The following PREP variants were observed in gnomAD, a reference collection of about 807,000 sequenced individuals.
The protein encoded by PREP is dJ355L5.1 (prolyl endopeptidase).
A neutral mutation model predicts 87.6 loss-of-function variants in PREP; 29 were observed. The observed-to-expected ratio is 0.33, with a 90% confidence interval of 0.25 to 0.45. PREP has a LOEUF of 0.45. Among genes scored for constraint, PREP ranks in the 20% least tolerant of loss-of-function variants. The pLI is 1.00. For missense variants in PREP, 695 were observed against 886.5 expected, an observed-to-expected ratio of 0.78 and a Z score of 2.74; for synonymous variants, 337 against 328.6, an observed-to-expected ratio of 1.03 and a Z score of -0.28.
intron 2 of PREP, among the ~76,000 whole-genome samples, chr6:105,385,557 CA>C (rs1406824291): frequency 6.6e-6 from 1 of 151,956 alleles, no homozygotes; most frequent in East Asian, 1.9e-4. Flanking sequence ...GACTGTGAAA[CA>C]AAATGGGGGG....
chr6:105,354,151 G>A (rs1772031070), intron 6 of PREP, among the ~76,000 whole-genome samples: 1 of 152,118 alleles, frequency 6.6e-6, no homozygotes, highest in Non-Finnish European at 1.5e-5. Flanking sequence ...CTGCTGTATA[G>A]TATTACAATC....
chr6:105,391,245 C>T lies in PREP; in HGVS notation c.120+6608G>A, dbSNP rs187199626. ...AAAATACAAAAAATTAGCTGGGCAT[C>T]GTGGTGGGCGCCTGTAATTCCAGCT... On this transcript the variant is annotated intron_variant, in intron 2 of 14. Coordinates refer to ENST00000652536, the MANE Select transcript of PREP (RefSeq NM_002726.5). Among the ~76,000 whole-genome samples, 49 of 151,856 alleles carry T rather than the reference C, an allele frequency of 3.2e-4. 1 individual carries two copies. Among genetic ancestry groups the T allele is most frequent in the South Asian group, 2.3e-3 (11 of 4,784 alleles).
At chr6:105,296,938 G>A (rs181326463) in intron 10 of PREP, among the ~76,000 whole-genome samples, 69 of 152,242 alleles carry the variant, frequency 4.5e-4, no homozygotes, top group African/African-American at 1.6e-3. Context: ...CAGGCCCATA[G>A]CCAGACATGT....
chr6:105,288,820 G>A lies in PREP; in HGVS notation c.1392C>T (p.Gly464=). The change falls in exon 11 of 15, where the codon GGC becomes GGT. Residue 464 remains glycine (G), a synonymous_variant. Coordinates refer to ENST00000652536, the MANE Select transcript of PREP (RefSeq NM_002726.5). The part of the protein sequence containing the change: ...IVHKKGIKLD[G]SHPAFLYGYG... ...AGCCATATAAGAAAGCTGGATGAGA[G>A]CCATCCAATTTTATGCCTTTTTTAT... 6.2e-7 allele frequency: 1 copy of A among 1,614,042 alleles called. No individual in the cohort carries two copies. The highest frequency in any genetic ancestry group is 2.2e-5 in the East Asian group (1 of 44,880).
intron 9 of PREP, among the ~76,000 whole-genome samples, chr6:105,326,223 T>C (rs1336680409): frequency 6.6e-6 from 1 of 152,196 alleles, no homozygotes; most frequent in African/African-American, 2.4e-5. Context: ...CCCAGAGCCA[T>C]GCATATGGGA....
chr6:105,305,579 C>T (rs1011554109), intron 10 of PREP, among the ~76,000 whole-genome samples: 3 of 152,254 alleles, frequency 2.0e-5, no homozygotes, highest in Admixed American at 2.0e-4. Context: ...AGGCAAATCA[C>T]AAAGCAGAAA....
At chr6:105,370,470 G>C (rs1772506947) in intron 5 of PREP, among the ~76,000 whole-genome samples, 1 of 152,062 alleles carries the variant, frequency 6.6e-6, no homozygotes, top group Non-Finnish European at 1.5e-5. Flanking sequence ...AAGTTTTGGA[G>C]GATTCTTATA....
At chr6:105,319,103 T>C (rs1363653695) in intron 10 of PREP, among the ~76,000 whole-genome samples, 1 of 152,232 alleles carries the variant, frequency 6.6e-6, no homozygotes, top group Non-Finnish European at 1.5e-5. Flanking sequence ...CTTCTTACTT[T>C]AGCATTTTGG....
In PREP at chr6:105,275,732, C is replaced by T. The variant is rs1769918920; in HGVS notation, c.*2412G>A. ...ATGAAGAAAATGTGGTACATATATA[C>T]AATGGAATATGATTTAGCCATGAAA... On this transcript the variant is annotated 3_prime_UTR_variant, in exon 15 of 15. Coordinates refer to ENST00000652536, the MANE Select transcript of PREP (RefSeq NM_002726.5). 6.6e-6 allele frequency among the ~76,000 whole-genome samples: 1 copy of T among 152,140 alleles called. No homozygotes were observed. Among genetic ancestry groups the T allele is most frequent in the Admixed American group, 6.5e-5 (1 of 15,270 alleles).
intron 6 of PREP, 152 bp downstream of exon 6, chr6:105,368,751 T>C (rs1276925162): frequency 1.1e-6 from 1 of 890,910 alleles, no homozygotes; most frequent in African/African-American, 1.7e-5. Flanking sequence ...CCTCCATTAT[T>C]AAGAGTCAAT....
At chr6:105,375,681 C>A (rs568973830) in intron 4 of PREP, among the ~76,000 whole-genome samples, 1 of 152,342 alleles carries the variant, frequency 6.6e-6, no homozygotes, top group Admixed American at 6.5e-5. Context: ...ATTTTTAAAA[C>A]TCTAATCGCC....
chr6:105,325,208 TATAA>T (rs1417037189), intron 9 of PREP, among the ~76,000 whole-genome samples: 1 of 151,906 alleles, frequency 6.6e-6, no homozygotes, highest in Non-Finnish European at 1.5e-5. Context: ...TGAAAAAAAG[TATAA>T]ATAATCAAAC....
At chr6:105,353,250 C>T (rs1772004267) in intron 6 of PREP, among the ~76,000 whole-genome samples, 173 bp from the exon 7 acceptor site, 1 of 152,144 alleles carries the variant, frequency 6.6e-6, no homozygotes, top group African/African-American at 2.4e-5. Flanking sequence ...TCAATTTTAT[C>T]TTATTTCACC....
intron 2 of PREP, among the ~76,000 whole-genome samples, chr6:105,393,816 T>C (rs921042748): frequency 3.3e-5 from 5 of 152,180 alleles, no homozygotes; most frequent in African/African-American, 1.2e-4. Flanking sequence ...CTGTATTAAA[T>C]ACTAGATTAA....
intron 10 of PREP, among the ~76,000 whole-genome samples, chr6:105,292,534 G>T (rs556846483): frequency 6.6e-6 from 1 of 152,300 alleles, no homozygotes; most frequent in Non-Finnish European, 1.5e-5. Flanking sequence ...CCAGCTTTGT[G>T]TTCCATTTCT....
At chr6:105,353,599 C>T (rs1056849023) in intron 6 of PREP, among the ~76,000 whole-genome samples, 1 of 151,864 alleles carries the variant, frequency 6.6e-6, no homozygotes, top group Admixed American at 6.6e-5. Flanking sequence ...TGGTGAAACC[C>T]TGTCTCTACT....
chr6:105,340,421 C>T (rs1771611881), intron 7 of PREP, among the ~76,000 whole-genome samples: 1 of 152,092 alleles, frequency 6.6e-6, no homozygotes, highest in Non-Finnish European at 1.5e-5. Context: ...ACAACCGGTA[C>T]CAGACACTGC....
intron 10 of PREP, among the ~76,000 whole-genome samples, chr6:105,305,306 G>A (rs1770630782): frequency 6.6e-6 from 1 of 152,130 alleles, no homozygotes; most frequent in African/African-American, 2.4e-5. Context: ...GCAGAGCAGT[G>A]TTTGTGCAAC....
chr6:105,402,685 G>A (rs957796636), intron 1 of PREP, among the ~76,000 whole-genome samples, 162 bp downstream of exon 1: 1 of 152,194 alleles, frequency 6.6e-6, no homozygotes, highest in African/African-American at 2.4e-5. Flanking sequence ...CGCTGCAGAG[G>A]AGCCCCGCGC....
Sources: allele counts gnomAD v4.1 joint callset (sites outside exome capture counted in the v4.1 genomes callset), GRCh38; gene constraint gnomAD v4.1.1; transcripts MANE v1.5; gene names NCBI Gene and HGNC (gene_info 2026-07-23, HGNC 2026-07-21).